LRBA: variants seen among roughly 807,000 people sequenced by gnomAD.
LRBA encodes the protein lipopolysaccharide-responsive and beige-like anchor protein.
Under a neutral mutation model 330.0 loss-of-function variants are expected in LRBA, and 176 were observed. That is an observed-to-expected ratio of 0.53 (90% CI 0.47 to 0.60). The LOEUF (loss-of-function observed/expected upper bound fraction) is 0.60. LRBA is among the 20% of genes least tolerant of loss of function. The pLI is 0.00. For synonymous variants in LRBA, 1,230 were observed against 1,193.0 expected, an observed-to-expected ratio of 1.03 and a Z score of -0.64; for missense variants, 3,259 against 3,444.8, an observed-to-expected ratio of 0.95 and a Z score of 1.35.
intron 36 of LRBA, among the ~76,000 whole-genome samples, chr4:150,734,349 TG>T (rs1269453645): frequency 8.5e-5 from 13 of 152,258 alleles, no homozygotes; most frequent in Non-Finnish European, 1.6e-4. Context: ...TGATGAATTA[TG>T]TTATTTAAAG....
chr4:150,421,446 A>C (rs1264203613), intron 46 of LRBA, among the ~76,000 whole-genome samples: 2 of 151,366 alleles, frequency 1.3e-5, no homozygotes, highest in African/African-American at 2.4e-5. Flanking sequence ...TAAAATAATA[A>C]AACTCATAAG....
chr4:150,557,219 T>C (rs992460943), intron 40 of LRBA, among the ~76,000 whole-genome samples: 2 of 152,114 alleles, frequency 1.3e-5, no homozygotes, highest in Non-Finnish European at 1.5e-5. Flanking sequence ...CTGGAAGAAT[T>C]TGAGCATTAA....
At chr4:151,013,899 T>G (rs2149680911) in intron 2 of LRBA, 1 of 152,824 alleles carries the variant, frequency 6.5e-6, no homozygotes, top group African/African-American at 2.4e-5. Context: ...ATCACCAATT[T>G]AACTTTTGTT....
intron 52 of LRBA, among the ~76,000 whole-genome samples, chr4:150,309,115 T>C (rs1730734419): frequency 6.6e-6 from 1 of 152,190 alleles, no homozygotes; most frequent in Non-Finnish European, 1.5e-5. Flanking sequence ...TTATTATTAT[T>C]ATTTTTTACT....
chr4:150,302,503 A>G, intron 53 of LRBA, 122 bp downstream of exon 53: 1 of 508,332 alleles, frequency 2.0e-6, no homozygotes, highest in Non-Finnish European at 3.3e-6. Context: ...CTTAAATTAT[A>G]ATAAATAAAA....
chr4:150,724,211 G>A (rs981322837), intron 36 of LRBA, among the ~76,000 whole-genome samples: 2 of 152,152 alleles, frequency 1.3e-5, no homozygotes, highest in Non-Finnish European at 2.9e-5. Context: ...CCCTAGTGGT[G>A]GTGGCCACAG....
At chr4:150,395,115 T>A (rs1330837838) in intron 47 of LRBA, among the ~76,000 whole-genome samples, 1 of 152,124 alleles carries the variant, frequency 6.6e-6, no homozygotes, top group Non-Finnish European at 1.5e-5. Context: ...CTTCAATCAA[T>A]TATATGCTAA....
chr4:151,004,060 A>C (rs912601118), intron 2 of LRBA, among the ~76,000 whole-genome samples: 5 of 151,936 alleles, frequency 3.3e-5, no homozygotes, highest in Non-Finnish European at 7.4e-5. Context: ...CTGGGATTAC[A>C]GGCATACACC....
chr4:150,385,605 GA>G (rs1742942896), intron 47 of LRBA, among the ~76,000 whole-genome samples: 1 of 152,146 alleles, frequency 6.6e-6, no homozygotes, highest in Admixed American at 6.5e-5. Flanking sequence ...AGGAAGAAGG[GA>G]AGAGGGGGCA....
rs1469892499 is a variant in LRBA at position 151,014,599 on chromosome 4, C to G, written c.44G>C (p.Gly15Ala). 6.2e-7 allele frequency: 1 copy of G among 1,610,738 alleles called. No individual in the cohort carries two copies. Among genetic ancestry groups the G allele is most frequent in the Admixed American group, 1.7e-5 (1 of 59,622 alleles). ...DNRVPSPPPTGDDGGGGGREE... is the reference protein window; with the variant it reads ...DNRVPSPPPTADDGGGGGREE... ...TCTCCCTCCACCTCCCCCGTCATCA[C>G]CTGTTGGTGGCGGGGAAGGGACACG... Residue 15 changes from glycine to alanine, a missense_variant, in exon 2 of 57, where the codon GGT becomes GCT. Coordinates refer to ENST00000651943, the MANE Select transcript of LRBA (RefSeq NM_001364905.1).
At position 150,401,819 on chromosome 4, in the gene LRBA, C is replaced by A. The variant is rs190761494; in HGVS notation, c.7194+13619G>T. ...AAAGACCATGAAGTATGTAACTTAC[C>A]TTAAGGAATTCAGTAAAAATATTGT... On this transcript the variant is annotated intron_variant, in intron 47 of 56. Transcript: ENST00000651943. Among the ~76,000 whole-genome samples the A allele has an allele frequency of 2.0e-4, 31 of 151,564 alleles. 1 individual carries two copies. The East Asian group carries it at 5.4e-3, about 27-fold the overall frequency.
chr4:150,292,575 C>T (rs1486322825), intron 53 of LRBA, among the ~76,000 whole-genome samples: 1 of 152,202 alleles, frequency 6.6e-6, no homozygotes, highest in Non-Finnish European at 1.5e-5. Flanking sequence ...TAGATGACTC[C>T]TGGCTGGGCC....
intron 4 of LRBA, among the ~76,000 whole-genome samples, chr4:150,923,953 T>C (rs72963615): frequency 0.031 from 4,647 of 152,320 alleles, 188 homozygotes; most frequent in African/African-American, 0.1. Flanking sequence ...CAATTAACCA[T>C]ACTGCTCAAT....
At chr4:150,630,390 A>T (rs1777260492) in intron 37 of LRBA, among the ~76,000 whole-genome samples, 1 of 151,532 alleles carries the variant, frequency 6.6e-6, no homozygotes, top group Non-Finnish European at 1.5e-5. Context: ...ACATAACATA[A>T]TTCATCTGGA....
At chr4:150,674,067 G>A (rs116406911) in intron 37 of LRBA, among the ~76,000 whole-genome samples, 2,610 of 152,164 alleles carry the variant, frequency 0.017, 83 homozygotes, top group African/African-American at 0.058. Context: ...CAGTGAGTAA[G>A]AAACCCATGA....
chr4:150,277,802 C>G lies in LRBA; in HGVS notation c.8468+51G>C, dbSNP rs762348469. 5.7e-6 allele frequency: 9 copies of G among 1,571,394 alleles called. No individual in the cohort carries two copies. In the African/African-American group the frequency reaches 1.1e-4, roughly 19 times the overall value. On this transcript the variant is annotated intron_variant, in intron 56 of 56. Transcript: ENST00000651943. ...CAGGTGTAAGCCAACACGACCAGTCCCCTCTGCAGTTTTTGAAACCCCTAT... is the reference window on the plus strand; with the variant it reads ...CAGGTGTAAGCCAACACGACCAGTCGCCTCTGCAGTTTTTGAAACCCCTAT...
At chr4:150,338,534 CA>C (rs1735045911) in intron 48 of LRBA, among the ~76,000 whole-genome samples, 1 of 152,168 alleles carries the variant, frequency 6.6e-6, no homozygotes, top group Admixed American at 6.5e-5. Flanking sequence ...TTCCAACCTC[CA>C]GTGTACCCCA....
At position 150,775,805 on chromosome 4, in the gene LRBA, G is replaced by GAA. The variant is rs35161747; in HGVS notation, c.5581-13960_5581-13959dup. On this transcript the variant is annotated intron_variant, in intron 34 of 56. Transcript: ENST00000651943. ...AATCATTAGTTCTACAAGAAAGAAT[G>GAA]AAAAAAAAAAAAAAAAAAAAAAGAC... Among the ~76,000 whole-genome samples, 43 of 59,970 alleles carry GAA rather than the reference G, an allele frequency of 7.2e-4. 1 individual carries two copies. Among genetic ancestry groups the GAA allele is most frequent in the African/African-American group, 1.4e-3 (23 of 16,490 alleles). 39.3% of individuals were successfully genotyped at this position (59,970 alleles called of 152,430 possible). A position where few individuals can be genotyped will look rare whatever the true frequency, so the allele number is the denominator to read the frequency against.
At position 150,871,351 on chromosome 4, in the gene LRBA, C is replaced by A; in HGVS notation, c.2361G>T (p.Leu787=). The change falls in exon 19 of 57, where the codon CTG becomes CTT. Residue 787 remains leucine, a synonymous_variant. Coordinates refer to ENST00000651943, the MANE Select transcript of LRBA (RefSeq NM_001364905.1). ...NLITMTTYNV[L]FEILIEQIGT... ...ATCCTAAGTACATTCCTACCTCAAA[C>A]AGCACATTATATGTGGTCATTGTGA... 6.3e-7 allele frequency: 1 copy of A among 1,586,310 alleles called. No homozygotes were observed. The highest frequency in any genetic ancestry group is 8.6e-7 in the Non-Finnish European group (1 of 1,157,058).
Sources: allele counts gnomAD v4.1 joint callset (sites outside exome capture counted in the v4.1 genomes callset), GRCh38; gene constraint gnomAD v4.1.1; transcripts MANE v1.5; gene names NCBI Gene and HGNC (gene_info 2026-07-23, HGNC 2026-07-21).